Variants in GALNTL6 observed in about 807,000 individuals in gnomAD.
GALNTL6 encodes the protein polypeptide N-acetylgalactosaminyltransferase-like 6.
A neutral mutation model predicts 73.7 loss-of-function variants in GALNTL6; 46 were observed. That is an observed-to-expected ratio of 0.62 (90% confidence interval 0.49 to 0.80). The LOEUF (loss-of-function observed/expected upper bound fraction) is 0.80. Ranked by LOEUF, GALNTL6 falls within the 30% of genes least tolerant of loss-of-function variation. The probability of loss-of-function intolerance (pLI) is 0.00; values close to 1 mark genes in which losing one functional copy is unlikely to be tolerated. For missense variants in GALNTL6, 604 were observed against 755.0 expected (o/e 0.80, Z 2.34); for synonymous variants, 259 against 263.7 (o/e 0.98, Z 0.17).
chr4:172,564,402 A>G (rs1445158275), intron 5 of GALNTL6, among the ~76,000 whole-genome samples: 2 of 152,236 alleles, frequency 1.3e-5, no homozygotes, highest in Admixed American at 6.5e-5. Context: ...GTTGAAAAGG[A>G]ACAAATGTAA....
intron 2 of GALNTL6, among the ~76,000 whole-genome samples, chr4:172,151,071 T>C (rs1734074691): frequency 6.6e-6 from 1 of 152,166 alleles, no homozygotes; most frequent in Non-Finnish European, 1.5e-5. Context: ...TTAGAGACAA[T>C]TCTTTCACAT....
intron 5 of GALNTL6, among the ~76,000 whole-genome samples, chr4:172,753,867 A>G (rs1291738893): frequency 6.6e-6 from 1 of 152,162 alleles, no homozygotes; most frequent in Non-Finnish European, 1.5e-5. Context: ...AATCTGTGGA[A>G]GATTTAGTAG....
At chr4:173,022,875 C>T (rs1208369956) in intron 12 of GALNTL6, among the ~76,000 whole-genome samples, 1 of 152,150 alleles carries the variant, frequency 6.6e-6, no homozygotes, top group Non-Finnish European at 1.5e-5. Flanking sequence ...TTTTAGAATA[C>T]TTTACAAAAT....
At chr4:172,092,623 A>C (rs115558390) in intron 2 of GALNTL6, among the ~76,000 whole-genome samples, 2,540 of 152,182 alleles carry the variant, frequency 0.017, 62 homozygotes, top group African/African-American at 0.055. Context: ...TAGCCAAAAT[A>C]ATAAATAAAA....
chr4:172,439,819 T>A (rs1022025595), intron 5 of GALNTL6, among the ~76,000 whole-genome samples: 1 of 152,082 alleles, frequency 6.6e-6, no homozygotes, highest in Non-Finnish European at 1.5e-5. Context: ...ATGGAAAGTT[T>A]AGAGATTTCC....
intron 2 of GALNTL6, among the ~76,000 whole-genome samples, chr4:171,957,151 T>C (rs953272139): frequency 2.9e-4 from 44 of 152,322 alleles, no homozygotes; most frequent in African/African-American, 1.0e-3. Context: ...CTGACTTTAC[T>C]GAACAGACAA....
At chr4:172,821,667 A>G (rs1052742689) in intron 7 of GALNTL6, among the ~76,000 whole-genome samples, 8 of 152,218 alleles carry the variant, frequency 5.3e-5, no homozygotes, top group African/African-American at 1.9e-4. Flanking sequence ...AAAGGACAAA[A>G]TGTTTAGGGA....
chr4:172,945,123 G>C (rs1028440271), intron 9 of GALNTL6, among the ~76,000 whole-genome samples: 2 of 150,782 alleles, frequency 1.3e-5, no homozygotes, highest in Non-Finnish European at 2.9e-5. Flanking sequence ...CAGCTACATG[G>C]ATAAAGATCA....
chr4:172,336,179 A>G (rs1196167843), intron 4 of GALNTL6, among the ~76,000 whole-genome samples: 1 of 150,174 alleles, frequency 6.7e-6, no homozygotes, highest in African/African-American at 2.5e-5. Flanking sequence ...TTGTTTATTT[A>G]TATCTTAATT....
intron 2 of GALNTL6, among the ~76,000 whole-genome samples, chr4:171,947,479 C>A (rs1738738889): frequency 6.6e-6 from 1 of 151,676 alleles, no homozygotes; most frequent in Non-Finnish European, 1.5e-5. Context: ...TAACTCACTT[C>A]TTTCTCTTTT....
chr4:172,755,237 TATAG>T lies in GALNTL6; in HGVS notation c.554-54092_554-54089del, dbSNP rs58940503. ...AGATAAGAGATAGATAAATGACAGA[TATAG>T]ATAGATAGATAGATAGATAGATAGA... On this transcript the variant is annotated intron_variant, in intron 5 of 12. Transcript: ENST00000506823. 1.3e-3 allele frequency among the ~76,000 whole-genome samples: 195 copies of T among 145,658 alleles called. 2 individuals are homozygous for T. The highest frequency in any genetic ancestry group is 6.8e-3 in the Middle Eastern group (2 of 292).
At chr4:172,535,192 C>A (rs747329088) in intron 5 of GALNTL6, among the ~76,000 whole-genome samples, 1 of 152,110 alleles carries the variant, frequency 6.6e-6, no homozygotes, top group Non-Finnish European at 1.5e-5. Flanking sequence ...GTATTAAAAT[C>A]AAAACCATAT....
chr4:172,914,710 G>GTA (rs1397403164), intron 8 of GALNTL6, among the ~76,000 whole-genome samples: 1 of 152,060 alleles, frequency 6.6e-6, no homozygotes, highest in South Asian at 2.1e-4. Flanking sequence ...TATCCTAAAT[G>GTA]TATATGCACC....
At chr4:172,034,955 A>G (rs1741888819) in intron 2 of GALNTL6, among the ~76,000 whole-genome samples, 1 of 152,148 alleles carries the variant, frequency 6.6e-6, no homozygotes, top group African/African-American at 2.4e-5. Flanking sequence ...CAATATGTAC[A>G]ATTCCTAAAC....
chr4:172,291,158 A>G (rs565552943), intron 3 of GALNTL6, among the ~76,000 whole-genome samples: 7 of 152,272 alleles, frequency 4.6e-5, no homozygotes, highest in South Asian at 2.1e-4. Context: ...AATATAATAC[A>G]TAAAGCTGAC....
intron 2 of GALNTL6, among the ~76,000 whole-genome samples, chr4:171,947,076 G>T (rs985538203): frequency 6.6e-6 from 1 of 152,004 alleles, no homozygotes; most frequent in African/African-American, 2.4e-5. Flanking sequence ...CTTCAAAATT[G>T]TTCTCATTTT....
Position 172,380,106 on chromosome 4 carries a change from G to C in GALNTL6, c.553+31417G>C, listed in dbSNP as rs372741695. The C allele has an allele frequency of 4.6e-5, 45 of 985,140 alleles. No individual in the cohort carries two copies. In the East Asian group the frequency reaches 1.0e-3, roughly 22 times the overall value. The allele number at this position is 985,140 out of a possible 1,614,324, so 61.0% of individuals were successfully genotyped here. ...CTTGGGCTTCGTTGGTGTTTCCACT[G>C]CTCCTCTGCATCATTTGCTAATGGA... On this transcript the variant is annotated intron_variant, in intron 5 of 12. Coordinates refer to ENST00000506823, the MANE Select transcript of GALNTL6 (RefSeq NM_001034845.3).
At chr4:172,889,792 T>G (rs116053534) in intron 8 of GALNTL6, among the ~76,000 whole-genome samples, 46 of 152,274 alleles carry the variant, frequency 3.0e-4, no homozygotes, top group African/African-American at 1.0e-3. Context: ...AGAGGAGTCC[T>G]TCCTTGTTGA....
chr4:172,179,184 C>T (rs1181039572), intron 2 of GALNTL6, among the ~76,000 whole-genome samples: 4 of 148,390 alleles, frequency 2.7e-5, no homozygotes, highest in Non-Finnish European at 4.5e-5. Context: ...AATGGGATGG[C>T]TGGGTCAAAT....
Sources: gnomAD v4.1 joint callset for allele counts (sites outside exome capture counted in the v4.1 genomes callset) on GRCh38, gnomAD v4.1.1 for gene constraint, MANE v1.5 for transcripts, NCBI Gene and HGNC (gene_info 2026-07-23, HGNC 2026-07-21) for gene names.